GRIA3: variants seen among roughly 807,000 people sequenced by gnomAD.
GRIA3 encodes glutamate receptor 3.
Under a neutral mutation model 63.0 loss-of-function variants are expected in GRIA3, and 3 were observed. The observed-to-expected ratio is 0.05, with a 90% CI of 0.02 to 0.12. The LOEUF (loss-of-function observed/expected upper bound fraction) is 0.12, where lower values mean the gene tolerates loss of function less well. GRIA3 is among the 10% of genes least tolerant of loss of function. The pLI is 1.00. For missense variants in GRIA3, 347 were observed against 700.9 expected (o/e 0.50, Z 5.70); for synonymous variants, 274 against 257.9 (o/e 1.06, Z -0.60).
At chrX:123,280,788 T>C (rs1260550114) in intron 3 of GRIA3, among the ~76,000 whole-genome samples, 2 of 112,272 alleles carry the variant, frequency 1.8e-5, no homozygotes, top group Non-Finnish European at 3.8e-5. Context: ...TTATTGTGTA[T>C]TGCCTCTTTT....
At chrX:123,186,866 C>T (rs1284447454) in intron 2 of GRIA3, among the ~76,000 whole-genome samples, 1 of 111,738 alleles carries the variant, frequency 8.9e-6, no homozygotes, top group African/African-American at 3.3e-5. Flanking sequence ...CTTAGTTGTA[C>T]CGGGTGATTA....
chrX:123,266,918 G>A (rs956151258), intron 3 of GRIA3, among the ~76,000 whole-genome samples: 2 of 108,046 alleles, frequency 1.9e-5, no homozygotes, highest in African/African-American at 3.4e-5. Context: ...ATATATCTTC[G>A]AAATTCTGCT....
intron 2 of GRIA3, among the ~76,000 whole-genome samples, chrX:123,187,254 G>A (rs1927303707): frequency 8.9e-6 from 1 of 111,748 alleles, no homozygotes. Context: ...TGGCTTTGAA[G>A]ACTTGGGCCA....
intron 3 of GRIA3, among the ~76,000 whole-genome samples, chrX:123,309,381 A>G (rs1428758654): frequency 1.8e-5 from 2 of 108,951 alleles, no homozygotes; most frequent in African/African-American, 3.3e-5. Context: ...AAAAAAAGCC[A>G]TAAGTTTTCC....
chrX:123,212,260 G>T (rs1928060754), intron 2 of GRIA3, among the ~76,000 whole-genome samples: 1 of 111,189 alleles, frequency 9.0e-6, no homozygotes, highest in Non-Finnish European at 1.9e-5. Flanking sequence ...AGTAAACATT[G>T]TCAGAATTGT....
At chrX:123,400,598 T>C (rs182319736) in intron 7 of GRIA3, among the ~76,000 whole-genome samples, 6 of 112,033 alleles carry the variant, frequency 5.4e-5, no homozygotes, top group Admixed American at 4.7e-4. Flanking sequence ...CTCAATAAAT[T>C]ATTCTCTTCC....
At chrX:123,229,830 C>T (rs1428158725) in intron 2 of GRIA3, among the ~76,000 whole-genome samples, 1 of 109,944 alleles carries the variant, frequency 9.1e-6, no homozygotes, top group African/African-American at 3.4e-5. Context: ...TTATATGGAC[C>T]TGAATTGAGA....
intron 4 of GRIA3, among the ~76,000 whole-genome samples, chrX:123,353,491 C>G (rs1413347065): frequency 9.0e-6 from 1 of 111,652 alleles, no homozygotes; most frequent in South Asian, 3.8e-4. Flanking sequence ...TAGCACCGTG[C>G]CTGCATATAC....
intron 2 of GRIA3, among the ~76,000 whole-genome samples, chrX:123,246,531 A>T (rs924402561): frequency 9.0e-6 from 1 of 111,660 alleles, no homozygotes; most frequent in Non-Finnish European, 1.9e-5. Flanking sequence ...ACCGACTCTC[A>T]TTTTGCCTCT....
At chrX:123,378,157 T>C (rs775825886) in intron 5 of GRIA3, among the ~76,000 whole-genome samples, 2 of 111,458 alleles carry the variant, frequency 1.8e-5, no homozygotes, top group Non-Finnish European at 3.8e-5. Context: ...GGACTACAGT[T>C]TCTTACAATA....
chrX:123,314,149 A>C lies in GRIA3; in HGVS notation c.509-11877A>C, dbSNP rs143112969. On this transcript the variant is annotated intron_variant, in intron 3 of 15. Transcript: ENST00000620443. ...GTGCTTACTAACATCCATGTCACTC[A>C]CTACTTGCTCTCTAGGAGACGCAGT... is the stretch of plus-strand genomic sequence containing the variant. 1.6e-4 allele frequency among the ~76,000 whole-genome samples: 18 copies of C among 112,240 alleles called. No individual in the cohort carries two copies. The East Asian group carries it at 3.4e-3, about 21-fold the overall frequency.
At chrX:123,335,345 A>C (rs1208894760) in intron 4 of GRIA3, among the ~76,000 whole-genome samples, 2 of 111,912 alleles carry the variant, frequency 1.8e-5, no homozygotes, top group Non-Finnish European at 3.8e-5. Flanking sequence ...TGTATATATA[A>C]ATAAATATGG....
At position 123,318,941 on chromosome X, in the gene GRIA3, A is replaced by G. The variant is rs181167413; in HGVS notation, c.509-7085A>G. On this transcript the variant is annotated intron_variant, in intron 3 of 15. Transcript: ENST00000620443. ...ACGTACAGTTCCACATGGCTGGGGA[A>G]GCCTCGGAATCATGGCAGGAAGCAA... Among the ~76,000 whole-genome samples the G allele has an allele frequency of 2.1e-3, 232 of 112,244 alleles. 1 individual carries two copies. Among genetic ancestry groups the G allele is most frequent in the African/African-American group, 7.1e-3 (219 of 30,924 alleles).
chrX:123,253,721 C>A, intron 3 of GRIA3, 179 bp downstream of exon 3: 1 of 476,602 alleles, frequency 2.1e-6, no homozygotes, highest in South Asian at 3.5e-5. Flanking sequence ...AATTTTAGAA[C>A]CTAATTTTTC....
In GRIA3 at chrX:123,442,539, T is replaced by C. The variant is rs148607115; in HGVS notation, c.2076+14400T>C. Among the ~76,000 whole-genome samples the C allele has an allele frequency of 9.2e-4, 103 of 111,691 alleles. 1 individual carries two copies. The highest frequency in any genetic ancestry group is 1.7e-3 in the Non-Finnish European group (93 of 53,155). On this transcript the variant is annotated intron_variant, in intron 12 of 15. Transcript: ENST00000620443. ...GCTATATTCATAGATAGTGAGGTGTTCATCATTGAAGGGACTCAAGAATAG... is the reference window on the plus strand; with the variant it reads ...GCTATATTCATAGATAGTGAGGTGTCCATCATTGAAGGGACTCAAGAATAG...
chrX:123,483,161 CAACCATTTGA>C, intron 15 of GRIA3, 115 bp downstream of exon 15: 2 of 610,488 alleles, frequency 3.3e-6, no homozygotes, highest in East Asian at 3.4e-5. Flanking sequence ...TGTCTCTTTG[CAACCATTTGA>C]TTCTTTGAAA....
intron 5 of GRIA3, among the ~76,000 whole-genome samples, chrX:123,389,669 T>C (rs762513015): frequency 9.1e-6 from 1 of 109,574 alleles, no homozygotes; most frequent in Non-Finnish European, 1.9e-5. Flanking sequence ...ATTCAGCCAG[T>C]CTATATTTTT....
At chrX:123,474,669 G>A (rs746254094) in intron 13 of GRIA3, among the ~76,000 whole-genome samples, 123 of 111,079 alleles carry the variant, frequency 1.1e-3, no homozygotes, top group African/African-American at 3.8e-3. Context: ...GCAACAGAGC[G>A]AGACTCTGTC....
intron 15 of GRIA3, among the ~76,000 whole-genome samples, chrX:123,485,539 C>CA (rs2045935792): frequency 9.0e-6 from 1 of 111,684 alleles, no homozygotes; most frequent in Non-Finnish European, 1.9e-5. Context: ...GGGATCCTGT[C>CA]AAATGGAGAG....
Sources: allele counts gnomAD v4.1 joint callset (sites outside exome capture counted in the v4.1 genomes callset), GRCh38; gene constraint gnomAD v4.1.1; transcripts MANE v1.5; gene names NCBI Gene and HGNC (gene_info 2026-07-23, HGNC 2026-07-21).